PLSCR4: variants seen among roughly 807,000 people sequenced by gnomAD.
The protein encoded by PLSCR4 is phospholipid scramblase 4.
PLSCR4 carries 25 observed loss-of-function variants against 36.3 expected under a neutral mutation model. The ratio of observed to expected loss-of-function variants is 0.69; its 90% CI spans 0.50 to 0.96. PLSCR4 has a LOEUF of 0.96. PLSCR4 is among the 40% of genes least tolerant of loss of function. The probability of loss-of-function intolerance (pLI) is 0.00; values close to 1 mark genes in which losing one functional copy is unlikely to be tolerated. For missense variants in PLSCR4, 408 were observed against 414.7 expected, an observed-to-expected ratio of 0.98 and a Z score of 0.14; for synonymous variants, 122 against 132.9, an observed-to-expected ratio of 0.92 and a Z score of 0.56.
intron 1 of PLSCR4, among the ~76,000 whole-genome samples, chr3:146,247,392 T>C (rs1174091801): frequency 1.1e-5 from 1 of 92,202 alleles, no homozygotes; most frequent in South Asian, 4.4e-4. Context: ...GTCAATCTGA[T>C]ATATAAAAAA....
At chr3:146,237,256 AAATT>A (rs1419640848) in intron 1 of PLSCR4, among the ~76,000 whole-genome samples, 3 of 152,170 alleles carry the variant, frequency 2.0e-5, no homozygotes, top group Non-Finnish European at 4.4e-5. Flanking sequence ...AGAGAAGAAA[AAATT>A]AATCTATCAG....
chr3:146,205,944 T>A (rs2108238787), intron 4 of PLSCR4, among the ~76,000 whole-genome samples: 1 of 152,222 alleles, frequency 6.6e-6, no homozygotes, highest in South Asian at 2.1e-4. Flanking sequence ...CTGCATGTCC[T>A]GGTGGCAGCA....
At chr3:146,198,353 A>G (rs2033861864) in intron 6 of PLSCR4, among the ~76,000 whole-genome samples, 1 of 152,170 alleles carries the variant, frequency 6.6e-6, no homozygotes, top group Non-Finnish European at 1.5e-5. Context: ...AAATCTGAAG[A>G]AAAACCTAGG....
rs144259058 is a variant in PLSCR4, at chr3:146,198,256, G to A, written c.625-1463C>T. ...AACTGTTTGGGATTTGTATTGTGCT[G>A]ATGGAAACAGGAATCTACACAAATG... On this transcript the variant is annotated intron_variant, in intron 6 of 8. Transcript: ENST00000354952. 9.3e-4 allele frequency among the ~76,000 whole-genome samples: 142 copies of A among 152,168 alleles called. 1 individual carries two copies. The South Asian group carries it at 0.015, about 16-fold the overall frequency.
intron 4 of PLSCR4, among the ~76,000 whole-genome samples, chr3:146,202,857 C>T (rs1003916911): frequency 6.6e-6 from 1 of 152,014 alleles, no homozygotes; most frequent in African/African-American, 2.4e-5. Context: ...ACTTTCTTTG[C>T]TTATACATAA....
At chr3:146,219,477 C>T (rs115029407) in intron 3 of PLSCR4, among the ~76,000 whole-genome samples, 38 of 152,144 alleles carry the variant, frequency 2.5e-4, no homozygotes, top group Non-Finnish European at 4.6e-4. Flanking sequence ...GGAAAGGTTG[C>T]GCTATTAATG....
chr3:146,212,438 T>TG (rs999984099), intron 3 of PLSCR4, among the ~76,000 whole-genome samples: 4 of 724 alleles, frequency 5.5e-3, no homozygotes, highest in Non-Finnish European at 0.014. Flanking sequence ...TTTTGTTTTG[T>TG]TTTTTTTTGT....
intron 1 of PLSCR4, among the ~76,000 whole-genome samples, chr3:146,249,582 A>G (rs1333265453): frequency 6.6e-6 from 1 of 151,198 alleles, no homozygotes; most frequent in African/African-American, 2.4e-5. Flanking sequence ...CACTATATAT[A>G]TGTGTGTATG....
chr3:146,193,797 T>TA lies in PLSCR4; in HGVS notation c.*613dup, dbSNP rs2033550861. The TA allele has an allele frequency of 1.3e-5, 2 of 152,322 alleles. No individual in the cohort carries two copies. Among genetic ancestry groups the TA allele is most frequent in the South Asian group, 4.1e-4 (2 of 4,828 alleles). 9.4% of individuals were successfully genotyped at this position (152,322 alleles called of 1,614,324 possible). A position where few individuals can be genotyped will look rare whatever the true frequency, so the allele number is the denominator to read the frequency against. ...GCATGGAATATATAAACTTTAACAT[T>TA]AAAAAATGTTTTATTTTGTAATAAA... On this transcript the variant is annotated 3_prime_UTR_variant, in exon 9 of 9. Coordinates refer to ENST00000354952, the MANE Select transcript of PLSCR4 (RefSeq NM_020353.3).
intron 1 of PLSCR4, among the ~76,000 whole-genome samples, chr3:146,236,693 T>C (rs896432962): frequency 6.6e-6 from 1 of 152,162 alleles, no homozygotes; most frequent in Non-Finnish European, 1.5e-5. Context: ...CCCAGTCATG[T>C]GGAACCGTAA....
intron 1 of PLSCR4, among the ~76,000 whole-genome samples, chr3:146,244,695 C>T (rs1046553681): frequency 1.3e-5 from 2 of 152,038 alleles, no homozygotes; most frequent in Non-Finnish European, 2.9e-5. Flanking sequence ...CTAGGACCTC[C>T]CTATTCCCTG....
intron 3 of PLSCR4, among the ~76,000 whole-genome samples, chr3:146,214,117 C>CTTTTT (rs1300325064): frequency 1.8e-5 from 1 of 55,804 alleles, no homozygotes; most frequent in African/African-American, 5.7e-5. Flanking sequence ...TGATATCTTC[C>CTTTTT]TTTTTTTTTT....
intron 1 of PLSCR4, among the ~76,000 whole-genome samples, chr3:146,248,489 G>GACACAC (rs146267394): frequency 3.3e-4 from 49 of 149,466 alleles, no homozygotes; most frequent in African/African-American, 1.1e-3. Flanking sequence ...CACACACACA[G>GACACAC]ACACACACAC....
At chr3:146,241,993 T>A (rs2036169159) in intron 1 of PLSCR4, among the ~76,000 whole-genome samples, 1 of 152,212 alleles carries the variant, frequency 6.6e-6, no homozygotes, top group South Asian at 2.1e-4. Flanking sequence ...GAGGTTGTAT[T>A]CTTGTAACAA....
chr3:146,199,783 A>C (rs751583010), intron 6 of PLSCR4, 30 bp downstream of exon 6: 16 of 1,539,590 alleles, frequency 1.0e-5, no homozygotes, highest in Middle Eastern at 1.7e-4. Context: ...GATCAGAAGC[A>C]AGCTGTGGAT....
At chr3:146,218,028 A>G (rs2034970617) in intron 3 of PLSCR4, among the ~76,000 whole-genome samples, 1 of 152,174 alleles carries the variant, frequency 6.6e-6, no homozygotes, top group Non-Finnish European at 1.5e-5. Flanking sequence ...TTTTGAGAAC[A>G]GCACTTTTTA....
At chr3:146,204,674 A>G (rs917745730) in intron 4 of PLSCR4, among the ~76,000 whole-genome samples, 1 of 152,050 alleles carries the variant, frequency 6.6e-6, no homozygotes, top group Non-Finnish European at 1.5e-5. Flanking sequence ...TGTCAGAATC[A>G]TAAAAGAAAT....
At chr3:146,201,576 T>C (rs1483578231) in intron 4 of PLSCR4, among the ~76,000 whole-genome samples, 1 of 152,084 alleles carries the variant, frequency 6.6e-6, no homozygotes, top group Non-Finnish European at 1.5e-5. Flanking sequence ...TATATTATTT[T>C]ACAGGTACCT....
chr3:146,245,438 T>C (rs2036298801), intron 1 of PLSCR4, among the ~76,000 whole-genome samples: 1 of 152,072 alleles, frequency 6.6e-6, no homozygotes. Context: ...AAATATGCCA[T>C]ATAATATTTT....
Sources: gnomAD v4.1 joint callset for allele counts (sites outside exome capture counted in the v4.1 genomes callset) on GRCh38, gnomAD v4.1.1 for gene constraint, MANE v1.5 for transcripts, NCBI Gene and HGNC (gene_info 2026-07-23, HGNC 2026-07-21) for gene names.